The following HIF3A variants were observed in gnomAD, a reference collection of about 807,000 sequenced individuals.
HIF3A encodes hypoxia inducible factor 3 subunit alpha, also known as hypoxia-inducible factor 3-alpha.
Under a neutral mutation model 67.2 loss-of-function variants are expected in HIF3A, and 41 were observed. The observed-to-expected ratio is 0.61, with a 90% CI of 0.48 to 0.79. The LOEUF (loss-of-function observed/expected upper bound fraction) is 0.79. HIF3A is among the 30% of genes least tolerant of loss of function. The probability of loss-of-function intolerance (pLI) is 0.00; values close to 1 mark genes in which losing one functional copy is unlikely to be tolerated. For synonymous variants in HIF3A, 356 were observed against 374.8 expected (o/e 0.95, Z 0.58); for missense variants, 855 against 898.0 (o/e 0.95, Z 0.61).
chr19:46,338,439 GCGATCC>G, intron 14 of HIF3A: 7 of 766,036 alleles, frequency 9.1e-6, no homozygotes, highest in South Asian at 3.7e-5. Flanking sequence ...CTGAGTTCAA[GCGATCC>G]ACCTGCCTTG....
At chr19:46,313,010 G>T in intron 8 of HIF3A, 1 of 989,790 alleles carries the variant, frequency 1.0e-6, no homozygotes, top group Non-Finnish European at 1.2e-6. Context: ...AGCACTTTGG[G>T]AGGCTGAGGT....
chr19:46,341,431 C>T lies in HIF3A; in HGVS notation c.*1809C>T, dbSNP rs532039924. ...GCCAGGCTGGTCTTGAACTCCCGAC[C>T]TCAACTGATCCACCCGCCTCAGCCT... On this transcript the variant is annotated 3_prime_UTR_variant, in exon 15 of 15. Transcript: ENST00000377670. 1 of 152,046 alleles carries T rather than the reference C, an allele frequency of 6.6e-6. No individual in the cohort carries two copies. The highest frequency in any genetic ancestry group is 6.6e-5 in the Admixed American group (1 of 15,256). 9.4% of individuals were successfully genotyped at this position (152,046 alleles called of 1,614,324 possible).
At chr19:46,325,665 A>G (rs767358821) in intron 11 of HIF3A, 26 bp downstream of exon 11, 1 of 1,473,402 alleles carries the variant, frequency 6.8e-7, no homozygotes, top group Non-Finnish European at 9.5e-7. Flanking sequence ...GAAGGGAGTA[A>G]TCCTCAGCCC....
intron 1 of HIF3A, among the ~76,000 whole-genome samples, chr19:46,299,650 T>G (rs1459816560): frequency 7.2e-6 from 1 of 138,804 alleles, no homozygotes; most frequent in Non-Finnish European, 1.5e-5. Context: ...GCAGAGGTTG[T>G]AATGAGCCAA....
intron 14 of HIF3A, among the ~76,000 whole-genome samples, chr19:46,337,554 T>A (rs929640447): frequency 6.6e-6 from 1 of 152,110 alleles, no homozygotes; most frequent in African/African-American, 2.4e-5. Context: ...TGCCTGGCTG[T>A]CTCTGTCTTC....
intron 12 of HIF3A, 142 bp from the exon 13 acceptor site, chr19:46,331,014 G>A (rs954273248): frequency 1.9e-6 from 1 of 532,724 alleles, no homozygotes; most frequent in Non-Finnish European, 3.3e-6. Context: ...ATTGGTGGAT[G>A]GATGGATGGA....
intron 6 of HIF3A, among the ~76,000 whole-genome samples, chr19:46,311,846 G>C (rs1172746184): frequency 6.6e-6 from 1 of 152,158 alleles, no homozygotes; most frequent in Non-Finnish European, 1.5e-5. Context: ...GCGTGACAGA[G>C]CGAGAGCCTG....
intron 14 of HIF3A, among the ~76,000 whole-genome samples, chr19:46,339,074 C>T (rs184358655): frequency 9.9e-4 from 151 of 152,210 alleles, no homozygotes; most frequent in Non-Finnish European, 1.4e-3. Flanking sequence ...TGCCCAGACA[C>T]GCCACAATAC....
At chr19:46,322,771 T>A (rs1281377423) in intron 10 of HIF3A, among the ~76,000 whole-genome samples, 1 of 152,108 alleles carries the variant, frequency 6.6e-6, no homozygotes, top group Non-Finnish European at 1.5e-5. Flanking sequence ...CTGGAGCGGC[T>A]CACAGTAATC....
At chr19:46,315,025 C>T (rs1274505017) in intron 8 of HIF3A, among the ~76,000 whole-genome samples, 1 of 145,874 alleles carries the variant, frequency 6.9e-6, no homozygotes, top group Non-Finnish European at 1.5e-5. Flanking sequence ...TCTTACTTAG[C>T]TTGATATATT....
Position 46,320,667 on chromosome 19 carries a change from G to A in HIF3A, c.1144+106G>A, listed in dbSNP as rs943518288. On this transcript the variant is annotated intron_variant, in intron 9 of 14. Coordinates refer to ENST00000377670, the MANE Select transcript of HIF3A (RefSeq NM_152795.4). ...CCAGGCCCTGTGGGACCTGCCTCCT[G>A]CCTCCCTTCCCTGCGCACTCAGCCT... 4.2e-5 allele frequency: 33 copies of A among 780,430 alleles called. No homozygotes were observed. In the East Asian group the frequency reaches 8.3e-4, roughly 20 times the overall value. The allele number at this position is 780,430 out of a possible 1,614,324, so 48.3% of individuals were successfully genotyped here.
At chr19:46,327,202 G>A (rs75616747) in intron 11 of HIF3A, among the ~76,000 whole-genome samples, 4,189 of 151,896 alleles carry the variant, frequency 0.028, 189 homozygotes, top group African/African-American at 0.094. Flanking sequence ...TCTCAGCCCA[G>A]GCTGGTCTTG....
chr19:46,312,495 C>T lies in HIF3A; in HGVS notation c.878-11C>T, dbSNP rs1375777157. On this transcript the variant is annotated splice_polypyrimidine_tract_variant and intron_variant, in intron 7 of 14. Transcript: ENST00000377670. ...TTGGTGGCCCTGATCCCTCCCGATCCCCCTCCTCAGTGCTGAGCAAGGGCC... is the reference window on the plus strand; with the variant it reads ...TTGGTGGCCCTGATCCCTCCCGATCTCCCTCCTCAGTGCTGAGCAAGGGCC... 6.2e-7 allele frequency: 1 copy of T among 1,613,802 alleles called. No individual in the cohort carries two copies. Among genetic ancestry groups the T allele is most frequent in the South Asian group, 1.1e-5 (1 of 91,020 alleles).
chr19:46,304,148 C>G, intron 2 of HIF3A, 60 bp downstream of exon 2: 7 of 1,450,094 alleles, frequency 4.8e-6, no homozygotes, highest in Non-Finnish European at 6.5e-6. Context: ...AAAAAAACTA[C>G]ATCCCAGGGA....
At chr19:46,309,444 C>T in intron 6 of HIF3A, 85 bp downstream of exon 6, 1 of 795,746 alleles carries the variant, frequency 1.3e-6, no homozygotes, top group East Asian at 2.7e-5. Context: ...TCTCTCTCTC[C>T]TTCTCTCTCT....
At chr19:46,336,343 C>T (rs1253532479) in intron 14 of HIF3A, among the ~76,000 whole-genome samples, 3 of 151,720 alleles carry the variant, frequency 2.0e-5, no homozygotes, top group Non-Finnish European at 4.4e-5. Context: ...CCGCCCACCT[C>T]GGCCTCCCAG....
Position 46,341,335 on chromosome 19 carries a change from G to A in HIF3A, c.*1713G>A, listed in dbSNP as rs1971928815. ...GGGCCTCAGCCTCCCAAATAGCTGG[G>A]ATTACAGGCATGTGCCACCACGCCC... On this transcript the variant is annotated 3_prime_UTR_variant, in exon 15 of 15. Coordinates refer to ENST00000377670, the MANE Select transcript of HIF3A (RefSeq NM_152795.4). 6.6e-6 allele frequency: 1 copy of A among 151,924 alleles called. No individual in the cohort carries two copies. Among genetic ancestry groups the A allele is most frequent in the Non-Finnish European group, 1.5e-5 (1 of 68,028 alleles). The allele number at this position is 151,924 out of a possible 1,614,324, so 9.4% of individuals were successfully genotyped here.
At chr19:46,328,469 A>G (rs773014310) in intron 11 of HIF3A, among the ~76,000 whole-genome samples, 1 of 152,158 alleles carries the variant, frequency 6.6e-6, no homozygotes, top group Non-Finnish European at 1.5e-5. Flanking sequence ...GCCTTTTACT[A>G]TAAGTAACAA....
At position 46,327,400 on chromosome 19, in the gene HIF3A, C is replaced by A. The variant is rs1333744403; in HGVS notation, c.1440+1761C>A. 2.0e-5 allele frequency among the ~76,000 whole-genome samples: 3 copies of A among 151,524 alleles called. No individual in the cohort carries two copies. In the East Asian group the frequency reaches 5.8e-4, roughly 29 times the overall value. ...ACGCAATCTTGGCTCACTGCAACTTCCAACTCCCAGGTTCAAGTGATTCTC... is the reference window on the plus strand; with the variant it reads ...ACGCAATCTTGGCTCACTGCAACTTACAACTCCCAGGTTCAAGTGATTCTC... On this transcript the variant is annotated intron_variant, in intron 11 of 14. Coordinates refer to ENST00000377670, the MANE Select transcript of HIF3A (RefSeq NM_152795.4).
Sources: allele counts gnomAD v4.1 joint callset (sites outside exome capture counted in the v4.1 genomes callset), GRCh38; gene constraint gnomAD v4.1.1; transcripts MANE v1.5; gene names NCBI Gene and HGNC (gene_info 2026-07-23, HGNC 2026-07-21).